TRAK1: variants seen among roughly 807,000 people sequenced by gnomAD.
TRAK1 encodes the protein trafficking kinesin protein 1, also known as trafficking kinesin-binding protein 1.
In TRAK1, 33 loss-of-function variants were observed where a neutral mutation model predicts 92.1. That is an observed-to-expected ratio of 0.36 (90% CI 0.27 to 0.48). The LOEUF is 0.48. Among genes scored for constraint, TRAK1 ranks in the 20% least tolerant of loss-of-function variants. The probability of loss-of-function intolerance (pLI) is 0.99; values close to 1 mark genes in which losing one functional copy is unlikely to be tolerated. For missense variants in TRAK1, 1,123 were observed against 1,257.9 expected (o/e 0.89, Z 1.62); for synonymous variants, 521 against 517.3 (o/e 1.01, Z -0.10).
chr3:42,188,158 A>C lies in TRAK1; in HGVS notation c.581+13A>C. 1 of 1,613,672 alleles carries C rather than the reference A, an allele frequency of 6.2e-7. No individual in the cohort carries two copies. Among genetic ancestry groups the C allele is most frequent in the Non-Finnish European group, 8.5e-7 (1 of 1,179,662 alleles). On this transcript the variant is annotated intron_variant, in intron 5 of 15. Coordinates refer to ENST00000327628, the MANE Select transcript of TRAK1 (RefSeq NM_001042646.3). ...TTTGCTCAACCCCGTAAGTCACCAGAGGGCTGTATTTCTGGAGGCCAGAGC... is the reference window on the plus strand; with the variant it reads ...TTTGCTCAACCCCGTAAGTCACCAGCGGGCTGTATTTCTGGAGGCCAGAGC...
In TRAK1 at chr3:42,193,096, C is replaced by A. The variant is rs1706054337; in HGVS notation, c.791C>A (p.Ala264Asp). ...AAAGGGGATGCCAATGTCCAGATTG[C>A]TAGTATCTCAGAGGAACTGGCCAAG... ...KELRDANVQIASISEELAKKT... is the reference protein window; with the variant it reads ...KELRDANVQIDSISEELAKKT... Residue 264 changes from alanine to aspartate, a missense_variant, in exon 8 of 16, where the codon GCT becomes GAT. By Grantham distance (126) the Ala-to-Asp change is moderately radical (BLOSUM62 -2). Around this residue, in one of 3 missense-constraint regions of TRAK1, gnomAD observed 686 missense variants for 747.6 expected, o/e 0.92. Coordinates refer to ENST00000327628, the MANE Select transcript of TRAK1 (RefSeq NM_001042646.3). The A allele has an allele frequency of 6.2e-7, 1 of 1,614,122 alleles. No individual in the cohort carries two copies. The highest frequency in any genetic ancestry group is 8.5e-7 in the Non-Finnish European group (1 of 1,179,972).
chr3:42,206,722 A>T (rs1577013327), intron 13 of TRAK1, among the ~76,000 whole-genome samples: 1 of 152,234 alleles, frequency 6.6e-6, no homozygotes, highest in Admixed American at 6.5e-5. Context: ...TCTGAGCATG[A>T]TGCGTCTTTT....
intron 4 of TRAK1, among the ~76,000 whole-genome samples, chr3:42,185,776 A>G (rs1159185928): frequency 6.7e-6 from 1 of 148,394 alleles, no homozygotes; most frequent in Non-Finnish European, 1.5e-5. Flanking sequence ...AGTTCAAGCT[A>G]TTGTCCTGCC....
At chr3:42,040,669 C>T (rs543907856) in intron 1 of TRAK1, among the ~76,000 whole-genome samples, 1 of 151,060 alleles carries the variant, frequency 6.6e-6, no homozygotes, top group South Asian at 2.1e-4. Context: ...TATCCTATGC[C>T]AGTACTACAC....
Position 42,091,460 on chromosome 3 carries a change from A to G in TRAK1, c.-10A>G, listed in dbSNP as rs762988205. ...GTTCTCTGAAGTGCCTTTGGAGTTT[A>G]TGTCTGCACATGGCATTGGTTTTTC... is the stretch of plus-strand genomic sequence containing the variant. On this transcript the variant is annotated 5_prime_UTR_variant, in exon 1 of 16. An upstream start codon of the reference 5' UTR is lost. Transcript: ENST00000327628. 2 of 1,613,146 alleles carry G rather than the reference A, an allele frequency of 1.2e-6. No individual in the cohort carries two copies. The highest frequency in any genetic ancestry group is 1.7e-6 in the Non-Finnish European group (2 of 1,179,624).
chr3:42,053,454 TG>T (rs1247544478), intron 1 of TRAK1, among the ~76,000 whole-genome samples: 1 of 122,722 alleles, frequency 8.1e-6, no homozygotes, highest in Non-Finnish European at 1.7e-5. Flanking sequence ...GGGGATGGGG[TG>T]GGGAGTCAGC....
chr3:42,204,954 G>A (rs1708159316), intron 13 of TRAK1, among the ~76,000 whole-genome samples: 1 of 152,128 alleles, frequency 6.6e-6, no homozygotes, highest in Non-Finnish European at 1.5e-5. Context: ...GTGTTACCAT[G>A]TTTAATATGA....
chr3:42,126,620 A>G (rs1010666736), intron 2 of TRAK1, among the ~76,000 whole-genome samples: 2 of 152,208 alleles, frequency 1.3e-5, no homozygotes, highest in Non-Finnish European at 1.5e-5. Flanking sequence ...AACAATTTAC[A>G]TATCTGTGTA....
At chr3:42,060,115 G>A (rs1703366904) in intron 1 of TRAK1, among the ~76,000 whole-genome samples, 1 of 152,068 alleles carries the variant, frequency 6.6e-6, no homozygotes, top group African/African-American at 2.4e-5. Context: ...CCCATAGAAG[G>A]TTTTCAAGAA....
chr3:42,064,944 G>A (rs988463030), intron 1 of TRAK1, among the ~76,000 whole-genome samples: 16 of 152,202 alleles, frequency 1.1e-4, no homozygotes, highest in African/African-American at 3.1e-4. Context: ...TCCTAGCTAC[G>A]CAGGAGGTTC....
intron 4 of TRAK1, among the ~76,000 whole-genome samples, chr3:42,185,931 C>A (rs1212545746): frequency 6.6e-6 from 1 of 150,656 alleles, no homozygotes; most frequent in Non-Finnish European, 1.5e-5. Flanking sequence ...GCCTCAGCCT[C>A]CCAAAGTGCT....
At chr3:42,024,241 G>A (rs576257949) in intron 1 of TRAK1, among the ~76,000 whole-genome samples, 1 of 152,286 alleles carries the variant, frequency 6.6e-6, no homozygotes, top group East Asian at 1.9e-4. Context: ...CTGGGGGAGG[G>A]AGTGTTCTTT....
chr3:42,145,763 C>T (rs1699250612), intron 2 of TRAK1: 1 of 222,994 alleles, frequency 4.5e-6, no homozygotes, highest in Non-Finnish European at 8.9e-6. Context: ...TTGTACTGAA[C>T]AACCTTTCAA....
chr3:42,133,271 C>G (rs1381443827), intron 2 of TRAK1, among the ~76,000 whole-genome samples: 1 of 152,196 alleles, frequency 6.6e-6, no homozygotes, highest in African/African-American at 2.4e-5. Context: ...CTCTCCTTAC[C>G]CTATAGCAGC....
chr3:42,082,088 G>T (rs1704465128), intron 1 of TRAK1, among the ~76,000 whole-genome samples: 1 of 151,930 alleles, frequency 6.6e-6, no homozygotes, highest in Non-Finnish European at 1.5e-5. Flanking sequence ...TCCAAATTTT[G>T]TTTTTTTCAG....
At chr3:42,036,640 T>C (rs1373336173) in intron 1 of TRAK1, among the ~76,000 whole-genome samples, 5 of 152,250 alleles carry the variant, frequency 3.3e-5, no homozygotes, top group Admixed American at 2.0e-4. Context: ...CTGACTCATG[T>C]CACACAAGGG....
At chr3:42,136,968 C>T (rs970621409) in intron 2 of TRAK1, among the ~76,000 whole-genome samples, 2 of 152,110 alleles carry the variant, frequency 1.3e-5, no homozygotes, top group African/African-American at 4.8e-5. Context: ...CGTGAGCTAC[C>T]GTGCCTGGAC....
At chr3:42,154,769 G>A (rs943236522) in intron 2 of TRAK1, among the ~76,000 whole-genome samples, 2 of 152,092 alleles carry the variant, frequency 1.3e-5, no homozygotes, top group Non-Finnish European at 2.9e-5. Context: ...AGGTCTTTGG[G>A]GACATGACCC....
At chr3:42,101,852 T>G in intron 1 of TRAK1, among the ~76,000 whole-genome samples, 1 of 152,208 alleles carries the variant, frequency 6.6e-6, no homozygotes, top group South Asian at 2.1e-4. Context: ...CCAAATAGTA[T>G]TCAAAGAGCT....
Sources: gnomAD v4.1 joint callset for allele counts (sites outside exome capture counted in the v4.1 genomes callset) on GRCh38, gnomAD v4.1.1 for gene constraint, gnomAD v4.1.1 regional missense constraint, MANE v1.5 for transcripts, NCBI Gene and HGNC (gene_info 2026-07-23, HGNC 2026-07-21) for gene names.